ANKRD46: variants seen among roughly 807,000 people sequenced by gnomAD.
ANKRD46 encodes the protein ankyrin repeat domain-containing protein 46.
Under a neutral mutation model 19.8 loss-of-function variants are expected in ANKRD46, and 13 were observed. That is an observed-to-expected ratio of 0.66 (90% CI 0.43 to 1.04). The LOEUF (loss-of-function observed/expected upper bound fraction) is 1.04, where lower values mean the gene tolerates loss of function less well. Ranked by LOEUF, ANKRD46 falls within the 50% of genes least tolerant of loss-of-function variation. ANKRD46 has a pLI of 0.00. For synonymous variants in ANKRD46, 91 were observed against 106.9 expected (o/e 0.85, Z 0.92); for missense variants, 185 against 274.8 (o/e 0.67, Z 2.31).
At chr8:100,533,182 AG>A (rs1811999112) in intron 2 of ANKRD46, 26 bp downstream of exon 2, 1 of 152,248 alleles carries the variant, frequency 6.6e-6, no homozygotes, top group Non-Finnish European at 1.5e-5. Flanking sequence ...ACATCTTGTG[AG>A]GAAGTCCACA....
intron 1 of ANKRD46, among the ~76,000 whole-genome samples, chr8:100,547,802 G>A (rs1812303243): frequency 6.6e-6 from 1 of 152,112 alleles, no homozygotes; most frequent in South Asian, 2.1e-4. Context: ...GTCTTTCATT[G>A]TCTTGCAAAT....
At chr8:100,530,389 A>ATT (rs11397608) in intron 2 of ANKRD46, among the ~76,000 whole-genome samples, 81 of 149,276 alleles carry the variant, frequency 5.4e-4, no homozygotes, top group Middle Eastern at 3.5e-3. Context: ...TTATAGCACA[A>ATT]TTTTTTTTTT....
intron 2 of ANKRD46, among the ~76,000 whole-genome samples, chr8:100,531,648 T>G (rs1811965191): frequency 6.6e-6 from 1 of 152,146 alleles, no homozygotes; most frequent in African/African-American, 2.4e-5. Flanking sequence ...GAAGGATTTT[T>G]TTTGTTTTAA....
chr8:100,532,598 G>T lies in ANKRD46; in HGVS notation c.-28+611C>A, dbSNP rs1194049162. 1 of 152,204 alleles carries T rather than the reference G, an allele frequency of 6.6e-6. No homozygotes were observed. Among genetic ancestry groups the T allele is most frequent in the Non-Finnish European group, 1.5e-5 (1 of 68,042 alleles). The allele number at this position is 152,204 out of a possible 1,614,324, so 9.4% of individuals were successfully genotyped here. A position where few individuals can be genotyped will look rare whatever the true frequency, so the allele number is the denominator to read the frequency against. On this transcript the variant is annotated intron_variant, in intron 2 of 4. Transcript: ENST00000335659. The surrounding 1 kb of genome is among the most constrained non-coding windows in gnomAD (Gnocchi z 4.7). ...AAATATTTTCCCTTACAGCAAGGGT[G>T]TCCAACATTTCGGCTTCCCTGGGTC... is the stretch of plus-strand genomic sequence containing the variant.
chr8:100,526,108 G>A (rs1053121059), intron 4 of ANKRD46, among the ~76,000 whole-genome samples: 2 of 152,102 alleles, frequency 1.3e-5, no homozygotes, highest in Non-Finnish European at 2.9e-5. Context: ...TTTGAAAAAC[G>A]AGCTTTATAC....
rs543163384 is a variant in ANKRD46, at chr8:100,515,057, T to C, written c.637-4418A>G. ...TTAATTAATACCTTGAAGACATCTC[T>C]GGCACACTGGAGAACCAGGCAGTAA... On this transcript the variant is annotated intron_variant, in intron 5 of 5. Transcript: ENST00000520552. Among the ~76,000 whole-genome samples the C allele has an allele frequency of 2.6e-4, 39 of 152,318 alleles. No individual in the cohort carries two copies. In the South Asian group the frequency reaches 5.8e-3, roughly 23 times the overall value.
Position 100,511,164 on chromosome 8 carries a change from C to G in ANKRD46, c.637-525G>C, listed in dbSNP as rs1464867089. Reference sequence around the variant, plus strand: ...GCAGCTGATCCCCTGGTTAGCATTACTATTCCCATGTAACAGATGAGCTGA... The same window carrying G: ...GCAGCTGATCCCCTGGTTAGCATTAGTATTCCCATGTAACAGATGAGCTGA... On this transcript the variant is annotated intron_variant, in intron 5 of 5. Transcript: ENST00000520552. This position sits in a 1 kb window ranked among gnomAD's most constrained non-coding sequence, Gnocchi z 4.1. 6.6e-6 allele frequency among the ~76,000 whole-genome samples: 1 copy of G among 152,228 alleles called. No individual in the cohort carries two copies. Among genetic ancestry groups the G allele is most frequent in the Non-Finnish European group, 1.5e-5 (1 of 68,046 alleles).
intron 1 of ANKRD46, among the ~76,000 whole-genome samples, chr8:100,535,396 C>G (rs10103866): frequency 6.6e-6 from 1 of 152,178 alleles, no homozygotes; most frequent in Non-Finnish European, 1.5e-5. Context: ...TGATCCTGTG[C>G]ACCCTTTATC....
rs1427105010 is a variant in ANKRD46 at position 100,529,305 on chromosome 8, A to G, written c.311+218T>C. 1.3e-5 allele frequency among the ~76,000 whole-genome samples: 2 copies of G among 152,224 alleles called. No individual in the cohort carries two copies. Among genetic ancestry groups the G allele is most frequent in the African/African-American group, 4.8e-5 (2 of 41,462 alleles). On this transcript the variant is annotated intron_variant, in intron 3 of 4. Transcript: ENST00000335659. This position sits in a 1 kb window ranked among gnomAD's most constrained non-coding sequence, Gnocchi z 5.8. The stretch of plus-strand genomic sequence containing the variant: ...ACATAATTAGTAGCAGAAACTACCT[A>G]CTATTTTCATAGAAAAAAATATGCT...
chr8:100,544,383 G>A lies in ANKRD46; in HGVS notation c.-130-11072C>T, dbSNP rs1812232094. On this transcript the variant is annotated intron_variant, in intron 1 of 4. Coordinates refer to ENST00000335659, the MANE Select transcript of ANKRD46 (RefSeq NM_001270377.2). This position sits in a 1 kb window ranked among gnomAD's most constrained non-coding sequence, Gnocchi z 4.4. Reference sequence around the variant, plus strand: ...GAGAAAAGACTATAATCAACATCTAGAAAGAAGTGAGCATTGGATCAAATC... The same window carrying A: ...GAGAAAAGACTATAATCAACATCTAAAAAGAAGTGAGCATTGGATCAAATC... Among the ~76,000 whole-genome samples, 1 of 152,204 alleles carries A rather than the reference G, an allele frequency of 6.6e-6. No individual in the cohort carries two copies. The highest frequency in any genetic ancestry group is 2.4e-5 in the African/African-American group (1 of 41,452).
chr8:100,539,562 TA>T (rs1407777888), intron 1 of ANKRD46, among the ~76,000 whole-genome samples: 1 of 152,272 alleles, frequency 6.6e-6, no homozygotes, highest in Admixed American at 6.5e-5. Context: ...CATACATTTT[TA>T]TTTTATATCC....
chr8:100,531,399 C>T (rs1230378349), intron 2 of ANKRD46, among the ~76,000 whole-genome samples: 1 of 152,112 alleles, frequency 6.6e-6, no homozygotes, highest in Non-Finnish European at 1.5e-5. Flanking sequence ...GGTGAGATTG[C>T]TGCCCCTATT....
At position 100,559,527 on chromosome 8, in the gene ANKRD46, C is replaced by CA. The variant is rs1812571272; in HGVS notation, c.-131+183_-131+184insT. Reference sequence around the variant, plus strand: ...CACACAGACCGCGAAGAAGCCATCACGGACCCGCGGTCGCTTCCTCGGCCC... The same window carrying CA: ...CACACAGACCGCGAAGAAGCCATCACAGGACCCGCGGTCGCTTCCTCGGCCC... On this transcript the variant is annotated intron_variant, in intron 1 of 4. Transcript: ENST00000335659. This position sits in a 1 kb window ranked among gnomAD's most constrained non-coding sequence, Gnocchi z 6.0. 1 of 152,278 alleles carries CA rather than the reference C, an allele frequency of 6.6e-6. No homozygotes were observed. The highest frequency in any genetic ancestry group is 1.5e-5 in the Non-Finnish European group (1 of 68,108). 9.4% of individuals were successfully genotyped at this position (152,278 alleles called of 1,614,324 possible).
chr8:100,554,495 G>C (rs1205916520), intron 1 of ANKRD46: 4 of 152,176 alleles, frequency 2.6e-5, no homozygotes, highest in African/African-American at 9.7e-5. Context: ...GGAGCAAGAG[G>C]ATCACTTGAG....
At chr8:100,540,251 C>T (rs1812150494) in intron 1 of ANKRD46, among the ~76,000 whole-genome samples, 2 of 151,596 alleles carry the variant, frequency 1.3e-5, no homozygotes, top group Admixed American at 6.6e-5. Context: ...AATGAATTAG[C>T]TTAGCAAATG....
At chr8:100,519,899 T>C (rs561698535), downstream of ANKRD46, among the ~76,000 whole-genome samples, 2 of 152,300 alleles carry the variant, frequency 1.3e-5, no homozygotes, top group South Asian at 4.1e-4. Flanking sequence ...AGAAAAAATA[T>C]AGCTACAGGT....
rs59521764 is a variant in ANKRD46 at position 100,555,722 on chromosome 8, T to TAAAAAAAAAAAAAAAAAA, written c.-131+3971_-131+3988dup. ...GCACCAACTTAATATTTTCCTCAGCTAAAAAAAAAAAAAAAAAAAAAAAAA... is the reference window on the plus strand; with the variant it reads ...GCACCAACTTAATATTTTCCTCAGCTAAAAAAAAAAAAAAAAAAAAAAAAAAAAAAAAAAAAAAAAAAA... On this transcript the variant is annotated intron_variant, in intron 1 of 4. Coordinates refer to ENST00000335659, the MANE Select transcript of ANKRD46 (RefSeq NM_001270377.2). Among the ~76,000 whole-genome samples the TAAAAAAAAAAAAAAAAAA allele has an allele frequency of 1.9e-4, 10 of 53,306 alleles. 1 individual carries two copies. Among genetic ancestry groups the TAAAAAAAAAAAAAAAAAA allele is most frequent in the Admixed American group, 5.4e-4 (2 of 3,734 alleles). 35.0% of individuals were successfully genotyped at this position (53,306 alleles called of 152,430 possible). A position where few individuals can be genotyped will look rare whatever the true frequency, so the allele number is the denominator to read the frequency against.
At position 100,510,599 on chromosome 8, in the gene ANKRD46, C is replaced by G; in HGVS notation, c.677G>C (p.Arg226Thr). 2.6e-6 allele frequency: 4 copies of G among 1,535,682 alleles called. No homozygotes were observed. Among genetic ancestry groups the G allele is most frequent in the African/African-American group, 1.4e-5 (1 of 73,102 alleles). ...AGATTAGATGGCCTGGATTCGGCTT[C>G]TGTCTTGCCTTGCAAAGCTTCCAAG... Residue 226 changes from arginine (R) to threonine (T), a missense_variant, in exon 6 of 6, where the codon AGA becomes ACA. Arg to Thr is a moderately conservative substitution (Grantham distance 71). Transcript: ENST00000520552. The surrounding 1 kb of genome is among the most constrained non-coding windows in gnomAD (Gnocchi z 4.9).
chr8:100,519,335 G>A (rs934360112), downstream of ANKRD46, among the ~76,000 whole-genome samples: 5 of 152,318 alleles, frequency 3.3e-5, no homozygotes, highest in African/African-American at 1.2e-4. Context: ...ATAAATGGAT[G>A]TGATGTCTAA....
Sources: gnomAD v4.1 joint callset for allele counts (sites outside exome capture counted in the v4.1 genomes callset) on GRCh38, gnomAD v4.1.1 for gene constraint, Gnocchi (gnomAD v3.1) non-coding constraint, MANE v1.5 for transcripts, NCBI Gene and HGNC (gene_info 2026-07-23, HGNC 2026-07-21) for gene names.